The following SPON1 variants were observed in gnomAD, a reference collection of about 807,000 sequenced individuals.
SPON1 encodes spondin 1.
A neutral mutation model predicts 111.7 loss-of-function variants in SPON1; 52 were observed. The ratio of observed to expected loss-of-function variants is 0.47; its 90% confidence interval spans 0.37 to 0.59. The LOEUF (loss-of-function observed/expected upper bound fraction) is 0.59, where lower values mean the gene tolerates loss of function less well. Ranked by LOEUF, SPON1 falls within the 20% of genes least tolerant of loss-of-function variation. The probability of loss-of-function intolerance (pLI) is 0.00; values close to 1 mark genes in which losing one functional copy is unlikely to be tolerated. For missense variants in SPON1, 957 were observed against 1,068.5 expected, an observed-to-expected ratio of 0.90 and a Z score of 1.46; for synonymous variants, 410 against 395.8, an observed-to-expected ratio of 1.04 and a Z score of -0.43.
At chr11:14,163,666 G>A (rs1159243093) in intron 6 of SPON1, among the ~76,000 whole-genome samples, 1 of 152,116 alleles carries the variant, frequency 6.6e-6, no homozygotes, top group Non-Finnish European at 1.5e-5. Flanking sequence ...ATGGAGACAT[G>A]GGGTGAGAGA....
intron 6 of SPON1, among the ~76,000 whole-genome samples, chr11:14,166,547 G>A (rs1392172087): frequency 6.6e-6 from 1 of 152,140 alleles, no homozygotes; most frequent in Non-Finnish European, 1.5e-5. Context: ...GCACTTAAGA[G>A]TCCTATATCT....
At chr11:14,233,824 A>G (rs1848832358) in intron 6 of SPON1, among the ~76,000 whole-genome samples, 1 of 137,202 alleles carries the variant, frequency 7.3e-6, no homozygotes, top group Non-Finnish European at 1.5e-5. Context: ...GTGCAATGGT[A>G]CAATCTCAGC....
At position 14,222,787 on chromosome 11, in the gene SPON1, T is replaced by A. The variant is rs370725047; in HGVS notation, c.826-20545T>A. On this transcript the variant is annotated intron_variant, in intron 6 of 15. Transcript: ENST00000576479. ...AAAAAAATTAAGCCCTGATTTATAA[T>A]GTTTGCCAGTTTCCATGGTGTAAAT... Among the ~76,000 whole-genome samples, 4 of 152,214 alleles carry A rather than the reference T, an allele frequency of 2.6e-5. No homozygotes were observed. In the East Asian group the frequency reaches 7.7e-4, roughly 29 times the overall value.
chr11:14,004,017 A>C (rs1358951859), intron 2 of SPON1, among the ~76,000 whole-genome samples: 2 of 152,128 alleles, frequency 1.3e-5, no homozygotes, highest in African/African-American at 4.8e-5. Context: ...TTCACATATA[A>C]GAGAGATCAT....
At chr11:14,043,330 T>C (rs1442675279) in intron 3 of SPON1, among the ~76,000 whole-genome samples, 1 of 152,124 alleles carries the variant, frequency 6.6e-6, no homozygotes, top group Non-Finnish European at 1.5e-5. Context: ...GCATCTTATG[T>C]GATTGGTTTG....
chr11:14,046,159 A>G (rs1848666657), intron 3 of SPON1, among the ~76,000 whole-genome samples: 1 of 152,174 alleles, frequency 6.6e-6, no homozygotes, highest in South Asian at 2.1e-4. Context: ...GGGCCTGAAG[A>G]AGCAAAAGGA....
chr11:13,975,146 T>C (rs116396538), intron 1 of SPON1, among the ~76,000 whole-genome samples: 2,240 of 140,904 alleles, frequency 0.016, 55 homozygotes, highest in African/African-American at 0.052. Flanking sequence ...TTACATGTTA[T>C]AAAAAATATC....
At chr11:14,209,864 T>G (rs907592204) in intron 6 of SPON1, among the ~76,000 whole-genome samples, 1 of 152,234 alleles carries the variant, frequency 6.6e-6, no homozygotes, top group Non-Finnish European at 1.5e-5. Context: ...TGAACTAATT[T>G]ATACTCCCAC....
intron 6 of SPON1, among the ~76,000 whole-genome samples, chr11:14,181,313 G>C (rs1249087373): frequency 6.6e-6 from 1 of 152,166 alleles, no homozygotes; most frequent in Non-Finnish European, 1.5e-5. Context: ...TTGGAGCTCA[G>C]CATTAAACAG....
intron 6 of SPON1, among the ~76,000 whole-genome samples, chr11:14,190,968 T>C (rs1848341354): frequency 6.6e-6 from 1 of 151,888 alleles, no homozygotes; most frequent in East Asian, 1.9e-4. Flanking sequence ...TAAATAATGC[T>C]GAAAACAAAA....
At chr11:14,150,303 G>T (rs1554929781) in intron 6 of SPON1, among the ~76,000 whole-genome samples, 1 of 151,974 alleles carries the variant, frequency 6.6e-6, no homozygotes, top group African/African-American at 2.4e-5. Flanking sequence ...TGGAATAGTG[G>T]TTACTGGAGA....
chr11:14,100,966 T>C (rs1387985728), intron 5 of SPON1, among the ~76,000 whole-genome samples: 1 of 152,250 alleles, frequency 6.6e-6, no homozygotes, highest in African/African-American at 2.4e-5. Context: ...ATTTGGTTGC[T>C]TCCTAGGTGA....
intron 5 of SPON1, among the ~76,000 whole-genome samples, chr11:14,104,499 G>T (rs1362331548): frequency 6.6e-6 from 1 of 151,746 alleles, no homozygotes; most frequent in Non-Finnish European, 1.5e-5. Flanking sequence ...TGGTATCTTT[G>T]ATTCTCTTTT....
rs531993184 is a variant in SPON1, at chr11:14,006,478, G to T, written c.345+23525G>T. Among the ~76,000 whole-genome samples the T allele has an allele frequency of 7.9e-5, 12 of 152,276 alleles. No homozygotes were observed. In the East Asian group the frequency reaches 2.3e-3, roughly 29 times the overall value. On this transcript the variant is annotated intron_variant, in intron 2 of 15. Coordinates refer to ENST00000576479, the MANE Select transcript of SPON1 (RefSeq NM_006108.4). The stretch of plus-strand genomic sequence containing the variant: ...TGAACTCCAGTGAGAGATCAGGAAG[G>T]CTGCTCATCAGGAGATGAATGCCAC...
intron 6 of SPON1, among the ~76,000 whole-genome samples, chr11:14,205,636 C>T (rs1848509496): frequency 6.6e-6 from 1 of 152,088 alleles, no homozygotes; most frequent in Admixed American, 6.5e-5. Flanking sequence ...GCTGAAAGCC[C>T]ATGGACAACA....
At position 14,199,486 on chromosome 11, in the gene SPON1, A is replaced by G. The variant is rs1337869500; in HGVS notation, c.826-43846A>G. Among the ~76,000 whole-genome samples the G allele has an allele frequency of 2.6e-5, 4 of 151,096 alleles. No homozygotes were observed. The Admixed American group carries it at 2.7e-4, about 10-fold the overall frequency. The stretch of plus-strand genomic sequence containing the variant: ...CTATCTCTTTCCTGGTTCAGGCCTC[A>G]TCACCTCTTGCCTTGACTATCACCA... On this transcript the variant is annotated intron_variant, in intron 6 of 15. Transcript: ENST00000576479.
At chr11:14,218,015 C>T (rs1564933381) in intron 6 of SPON1, among the ~76,000 whole-genome samples, 1 of 152,180 alleles carries the variant, frequency 6.6e-6, no homozygotes, top group Non-Finnish European at 1.5e-5. Context: ...TATAAGCCCT[C>T]CTGGTGATTC....
intron 6 of SPON1, among the ~76,000 whole-genome samples, chr11:14,175,470 G>T (rs1327509026): frequency 6.6e-6 from 1 of 152,008 alleles, no homozygotes; most frequent in Non-Finnish European, 1.5e-5. Flanking sequence ...GGGTTATAGG[G>T]GTCCTAAACC....
intron 6 of SPON1, among the ~76,000 whole-genome samples, chr11:14,138,812 C>T (rs1554928448): frequency 6.6e-6 from 1 of 152,158 alleles, no homozygotes; most frequent in East Asian, 1.9e-4. Flanking sequence ...AAGATGATGC[C>T]CCTTTCACTC....
Sources: allele counts gnomAD v4.1 joint callset (sites outside exome capture counted in the v4.1 genomes callset), GRCh38; gene constraint gnomAD v4.1.1; transcripts MANE v1.5; gene names NCBI Gene and HGNC (gene_info 2026-07-23, HGNC 2026-07-21).